Variants in FHIT observed in about 807,000 individuals in gnomAD.
FHIT encodes fragile histidine triad diadenosine triphosphatase, also known as bis(5'-adenosyl)-triphosphatase.
Under a neutral mutation model 17.9 loss-of-function variants are expected in FHIT, and 19 were observed. The observed-to-expected ratio is 1.06, with a 90% CI of 0.74 to 1.56. FHIT has a LOEUF of 1.56. Among genes scored for constraint, FHIT ranks in the 40% most tolerant of loss-of-function variants. The probability of loss-of-function intolerance (pLI) is 0.00; values close to 1 mark genes in which losing one functional copy is unlikely to be tolerated. For synonymous variants in FHIT, 81 were observed against 69.7 expected, an observed-to-expected ratio of 1.16 and a Z score of -0.81; for missense variants, 248 against 189.2, an observed-to-expected ratio of 1.31 and a Z score of -1.82.
intron 5 of FHIT, among the ~76,000 whole-genome samples, chr3:60,510,795 G>A (rs1392277791): frequency 4.6e-5 from 7 of 152,214 alleles, no homozygotes; most frequent in African/African-American, 1.7e-4. Context: ...TAAGGTTTTA[G>A]CACAATGGCA....
intron 5 of FHIT, among the ~76,000 whole-genome samples, chr3:60,112,951 G>A (rs1488611759): frequency 6.6e-6 from 1 of 152,168 alleles, no homozygotes; most frequent in Non-Finnish European, 1.5e-5. Flanking sequence ...ACCATGGAAT[G>A]CTATGGGCTG....
At chr3:60,420,418 T>C (rs886853004) in intron 5 of FHIT, among the ~76,000 whole-genome samples, 1 of 152,200 alleles carries the variant, frequency 6.6e-6, no homozygotes, top group Non-Finnish European at 1.5e-5. Flanking sequence ...TATATTTTTA[T>C]CTATACAGAA....
At chr3:59,819,934 G>T (rs1700731310) in intron 8 of FHIT, among the ~76,000 whole-genome samples, 1 of 152,152 alleles carries the variant, frequency 6.6e-6, no homozygotes, top group South Asian at 2.1e-4. Context: ...CACCATGTGA[G>T]GACACAGTGT....
At chr3:60,249,419 G>C (rs1356590509) in intron 5 of FHIT, among the ~76,000 whole-genome samples, 1 of 151,960 alleles carries the variant, frequency 6.6e-6, no homozygotes, top group Non-Finnish European at 1.5e-5. Flanking sequence ...CCATCACTTG[G>C]GCTATAAGGA....
intron 5 of FHIT, among the ~76,000 whole-genome samples, chr3:60,237,694 G>C (rs993328400): frequency 6.6e-6 from 1 of 152,124 alleles, no homozygotes; most frequent in African/African-American, 2.4e-5. Flanking sequence ...TCGGTTTGCA[G>C]TTTTCCACTG....
At chr3:61,212,479 C>T (rs1035160959) in intron 1 of FHIT, among the ~76,000 whole-genome samples, 19 of 152,288 alleles carry the variant, frequency 1.2e-4, no homozygotes, top group African/African-American at 4.3e-4. Context: ...ACAAACAAAG[C>T]CTCCAAGAAA....
intron 5 of FHIT, among the ~76,000 whole-genome samples, chr3:60,527,583 G>A (rs543626259): frequency 6.6e-6 from 1 of 152,262 alleles, no homozygotes; most frequent in South Asian, 2.1e-4. Context: ...AGATGGCAGT[G>A]GAGAGTAAGG....
intron 3 of FHIT, among the ~76,000 whole-genome samples, chr3:60,860,461 C>CAT (rs1333200971): frequency 1.3e-5 from 1 of 78,432 alleles, no homozygotes; most frequent in African/African-American, 5.7e-5. Flanking sequence ...TACATATGTA[C>CAT]ATATATATGT....
At chr3:60,315,830 C>T (rs570174079) in intron 5 of FHIT, among the ~76,000 whole-genome samples, 3 of 152,282 alleles carry the variant, frequency 2.0e-5, no homozygotes, top group South Asian at 2.1e-4. Context: ...GTTGCTGGAT[C>T]GCAGGGCAGT....
At chr3:60,835,776 C>A (rs1702516188) in intron 3 of FHIT, among the ~76,000 whole-genome samples, 1 of 152,092 alleles carries the variant, frequency 6.6e-6, no homozygotes, top group African/African-American at 2.4e-5. Context: ...CACCACCAGG[C>A]CTGGTTCATT....
intron 5 of FHIT, among the ~76,000 whole-genome samples, chr3:60,393,513 C>G (rs182815592): frequency 6.6e-6 from 1 of 151,298 alleles, no homozygotes; most frequent in Non-Finnish European, 1.5e-5. Flanking sequence ...AAGTGAGGAC[C>G]AATTTTTTCT....
rs146875124 is a variant in FHIT, at chr3:60,665,150, A to G, written c.-17-128171T>C. 1.3e-3 allele frequency among the ~76,000 whole-genome samples: 194 copies of G among 152,130 alleles called. 3 individuals are homozygous for G. In the East Asian group the frequency reaches 0.033, roughly 26 times the overall value. ...TTTCTGCTATTTTTTTGTTATGGAT[A>G]ACACATTCTGTAAAAATTTGCTAAG... On this transcript the variant is annotated intron_variant, in intron 4 of 9. Transcript: ENST00000492590.
chr3:60,951,681 T>A (rs1208617446), intron 3 of FHIT, among the ~76,000 whole-genome samples: 1 of 152,080 alleles, frequency 6.6e-6, no homozygotes, highest in Non-Finnish European at 1.5e-5. Context: ...AAACGGGAAA[T>A]GGGTTAAGCA....
chr3:60,373,973 A>G (rs546457911), intron 5 of FHIT, among the ~76,000 whole-genome samples: 2 of 152,314 alleles, frequency 1.3e-5, no homozygotes, highest in South Asian at 2.1e-4. Flanking sequence ...CGGAATCTCT[A>G]GTATGTGGTG....
At chr3:60,457,932 A>C (rs1287323905) in intron 5 of FHIT, among the ~76,000 whole-genome samples, 1 of 152,130 alleles carries the variant, frequency 6.6e-6, no homozygotes, top group African/African-American at 2.4e-5. Flanking sequence ...GTCAGGAAAC[A>C]ACAGGTGCTG....
At chr3:59,784,934 C>G (rs1392624670) in intron 8 of FHIT, among the ~76,000 whole-genome samples, 1 of 152,114 alleles carries the variant, frequency 6.6e-6, no homozygotes, top group Non-Finnish European at 1.5e-5. Flanking sequence ...GCCCATAGTT[C>G]TGCAGGCTGT....
At chr3:59,994,051 T>C (rs1699401228) in intron 7 of FHIT, among the ~76,000 whole-genome samples, 1 of 152,058 alleles carries the variant, frequency 6.6e-6, no homozygotes, top group African/African-American at 2.4e-5. Context: ...ATGTCTCTTT[T>C]ACAGATGAGG....
At chr3:60,292,976 A>G (rs757346995) in intron 5 of FHIT, among the ~76,000 whole-genome samples, 1 of 152,184 alleles carries the variant, frequency 6.6e-6, no homozygotes, top group African/African-American at 2.4e-5. Context: ...TGAAACATTA[A>G]AACATTCTCC....
intron 5 of FHIT, among the ~76,000 whole-genome samples, chr3:60,417,606 T>G (rs1702298537): frequency 6.6e-6 from 1 of 152,184 alleles, no homozygotes; most frequent in Non-Finnish European, 1.5e-5. Flanking sequence ...TGTGTTTTTA[T>G]ACTGAATGTC....
Sources: gnomAD v4.1 joint callset for allele counts (sites outside exome capture counted in the v4.1 genomes callset) on GRCh38, gnomAD v4.1.1 for gene constraint, MANE v1.5 for transcripts, NCBI Gene and HGNC (gene_info 2026-07-23, HGNC 2026-07-21) for gene names.